The following MPP7 variants were observed in gnomAD, a reference collection of about 807,000 sequenced individuals.
MPP7 encodes the protein MAGUK p55 subfamily member 7.
MPP7 carries 60 observed loss-of-function variants against 76.5 expected under a neutral mutation model. That is an observed-to-expected ratio of 0.78 (90% CI 0.64 to 0.97). The LOEUF (loss-of-function observed/expected upper bound fraction) is 0.97. Ranked by LOEUF, MPP7 falls within the 50% of genes least tolerant of loss-of-function variation. The pLI, the probability that MPP7 is intolerant of heterozygous loss-of-function variation, is 0.00. For synonymous variants in MPP7, 237 were observed against 244.5 expected, an observed-to-expected ratio of 0.97 and a Z score of 0.29; for missense variants, 641 against 694.0, an observed-to-expected ratio of 0.92 and a Z score of 0.86.
chr10:28,269,291 T>A (rs1043635985), intron 1 of MPP7, among the ~76,000 whole-genome samples: 2 of 152,180 alleles, frequency 1.3e-5, no homozygotes, highest in Non-Finnish European at 1.5e-5. Context: ...AATGCCCAGA[T>A]AGTGATGACA....
chr10:28,250,547 C>T (rs1839583279), intron 1 of MPP7, among the ~76,000 whole-genome samples: 1 of 152,186 alleles, frequency 6.6e-6, no homozygotes, highest in Non-Finnish European at 1.5e-5. Flanking sequence ...AGGCTGCCAG[C>T]ATCATCTTTC....
intron 1 of MPP7, among the ~76,000 whole-genome samples, chr10:28,254,003 A>AG (rs1839703294): frequency 8.7e-5 from 11 of 126,020 alleles, no homozygotes; most frequent in African/African-American, 2.3e-4. Context: ...CTCACAAAAA[A>AG]GAAAAAAAAA....
chr10:28,072,039 C>T (rs571324599), intron 12 of MPP7, among the ~76,000 whole-genome samples: 102 of 152,154 alleles, frequency 6.7e-4, no homozygotes, highest in African/African-American at 2.4e-3. Flanking sequence ...TTTGGGAGGC[C>T]GAGGTAGGTA....
chr10:28,258,092 C>A (rs1023111835), intron 1 of MPP7, among the ~76,000 whole-genome samples: 1 of 151,624 alleles, frequency 6.6e-6, no homozygotes, highest in African/African-American at 2.4e-5. Flanking sequence ...ACACTTAACC[C>A]ACACCTTCTA....
chr10:28,209,059 C>A (rs1489873622), intron 2 of MPP7, among the ~76,000 whole-genome samples: 3 of 152,138 alleles, frequency 2.0e-5, no homozygotes, highest in African/African-American at 7.2e-5. Flanking sequence ...GCTCCCCATT[C>A]ACCTTCCACC....
intron 1 of MPP7, among the ~76,000 whole-genome samples, chr10:28,290,580 C>T (rs576165641): frequency 1.1e-4 from 16 of 152,164 alleles, no homozygotes; most frequent in Non-Finnish European, 2.2e-4. Context: ...TCAAGCGATT[C>T]TCCTGTCTCG....
At chr10:28,101,451 AC>A (rs1240984716) in intron 11 of MPP7, among the ~76,000 whole-genome samples, 1 of 152,156 alleles carries the variant, frequency 6.6e-6, no homozygotes, top group Non-Finnish European at 1.5e-5. Flanking sequence ...AGGAAAAAAC[AC>A]CTAGGAGTAG....
chr10:28,194,412 T>C (rs1054887081), intron 3 of MPP7, among the ~76,000 whole-genome samples: 3 of 152,248 alleles, frequency 2.0e-5, no homozygotes, highest in African/African-American at 4.8e-5. Flanking sequence ...CACAAAAACC[T>C]GCACACAAAT....
chr10:28,185,545 T>C (rs1837208113), intron 3 of MPP7, among the ~76,000 whole-genome samples: 2 of 152,184 alleles, frequency 1.3e-5, no homozygotes, highest in African/African-American at 4.8e-5. Context: ...CAATTTGATG[T>C]GAAGGAATCA....
At chr10:28,334,511 C>T (rs1180408227), upstream of MPP7, 3 of 152,146 alleles carry the variant, frequency 2.0e-5, no homozygotes, top group South Asian at 2.1e-4. Context: ...GCCAAGCAAC[C>T]TGTTGACCTC....
intron 1 of MPP7, among the ~76,000 whole-genome samples, chr10:28,268,600 TGCAC>T (rs1840220424): frequency 6.6e-6 from 1 of 151,858 alleles, no homozygotes; most frequent in South Asian, 2.1e-4. Flanking sequence ...GGTGTGGTGG[TGCAC>T]ACCTGTAATC....
chr10:28,091,079 A>G (rs1564625874), intron 11 of MPP7, among the ~76,000 whole-genome samples: 2 of 152,068 alleles, frequency 1.3e-5, no homozygotes, highest in African/African-American at 2.4e-5. Context: ...CTCAGGAGAC[A>G]GAGGTTGCAG....
intron 2 of MPP7, among the ~76,000 whole-genome samples, chr10:28,322,918 T>C (rs2133185435): frequency 6.6e-6 from 1 of 151,774 alleles, no homozygotes; most frequent in South Asian, 2.1e-4. Context: ...CTCTGGGAGG[T>C]CGAGACAGGC....
intron 6 of MPP7, among the ~76,000 whole-genome samples, chr10:28,126,652 T>C (rs1032756471): frequency 2.6e-5 from 4 of 152,212 alleles, no homozygotes; most frequent in African/African-American, 9.6e-5. Flanking sequence ...TATGAGTTCA[T>C]TACTCTTGGG....
At chr10:28,085,252 T>A (rs1487288121) in intron 12 of MPP7, among the ~76,000 whole-genome samples, 1 of 152,160 alleles carries the variant, frequency 6.6e-6, no homozygotes, top group Middle Eastern at 3.2e-3. Context: ...CTTAGACAAG[T>A]TACCTACTTC....
At chr10:28,063,263 C>T (rs928914461) in intron 13 of MPP7, among the ~76,000 whole-genome samples, 28 of 151,998 alleles carry the variant, frequency 1.8e-4, no homozygotes, top group African/African-American at 6.8e-4. Flanking sequence ...AGCTCGAAAC[C>T]ATCCTGGCCA....
At chr10:28,235,052 C>T (rs148269992) in intron 2 of MPP7, among the ~76,000 whole-genome samples, 1 of 152,170 alleles carries the variant, frequency 6.6e-6, no homozygotes, top group African/African-American at 2.4e-5. Flanking sequence ...TCAAGAGATC[C>T]ACCCACCTCA....
Position 28,149,986 on chromosome 10 carries a change from T to C in MPP7, c.230A>G (p.Asp77Gly), listed in dbSNP as rs1003513620. Reference protein sequence around the residue: ...PILHGAAALADDLAEELQNKP... With the variant: ...PILHGAAALAGDLAEELQNKP... ...AGCTCGGAGAGTCACACTTACATCA[T>C]CGGCCAAGGCCGCCGCACCATGGAG... The change falls in exon 4 of 17, where the codon GAT becomes GGT. Residue 77 changes from aspartate (D) to glycine (G), a missense_variant. Coordinates refer to ENST00000683449, the MANE Select transcript of MPP7 (RefSeq NM_001318170.2). 1.9e-6 allele frequency: 3 copies of C among 1,612,908 alleles called. No homozygotes were observed. The highest frequency in any genetic ancestry group is 1.7e-6 in the Non-Finnish European group (2 of 1,179,640).
chr10:28,277,173 C>T (rs147499711), intron 1 of MPP7, among the ~76,000 whole-genome samples: 34 of 152,044 alleles, frequency 2.2e-4, no homozygotes, highest in Non-Finnish European at 3.4e-4. Flanking sequence ...GGAGACACAG[C>T]AAGATCCTGT....
Sources: allele counts gnomAD v4.1 joint callset (sites outside exome capture counted in the v4.1 genomes callset), GRCh38; gene constraint gnomAD v4.1.1; transcripts MANE v1.5; gene names NCBI Gene and HGNC (gene_info 2026-07-23, HGNC 2026-07-21).